TMPRSS15: variants seen among roughly 807,000 people sequenced by gnomAD.
TMPRSS15 encodes the protein enteropeptidase.
In TMPRSS15, 128 loss-of-function variants were observed where a neutral mutation model predicts 125.3. The observed-to-expected ratio is 1.02, with a 90% CI of 0.89 to 1.18. TMPRSS15 has a LOEUF of 1.18. Among genes scored for constraint, TMPRSS15 ranks in the 50% most tolerant of loss-of-function variants. TMPRSS15 has a pLI of 0.00. For synonymous variants in TMPRSS15, 446 were observed against 423.2 expected (o/e 1.05, Z -0.66); for missense variants, 1,283 against 1,212.7 (o/e 1.06, Z -0.86).
chr21:18,423,097 T>A (rs1276242943), intron 1 of TMPRSS15, among the ~76,000 whole-genome samples: 6 of 152,184 alleles, frequency 3.9e-5, no homozygotes, highest in African/African-American at 9.7e-5. Context: ...CAAGGCTAGA[T>A]GTGGATTTAC....
intron 18 of TMPRSS15, among the ~76,000 whole-genome samples, chr21:18,300,627 G>A (rs1380456314): frequency 6.6e-6 from 1 of 152,102 alleles, no homozygotes; most frequent in Non-Finnish European, 1.5e-5. Flanking sequence ...TTACAGGTGT[G>A]AGCCACCACA....
chr21:18,410,844 C>T (rs1020427737), intron 1 of TMPRSS15, among the ~76,000 whole-genome samples: 3 of 151,988 alleles, frequency 2.0e-5, no homozygotes, highest in Non-Finnish European at 4.4e-5. Context: ...AAAGACTATG[C>T]CAATTTTATT....
At chr21:18,361,577 A>T (rs2075680209) in intron 7 of TMPRSS15, among the ~76,000 whole-genome samples, 1 of 152,192 alleles carries the variant, frequency 6.6e-6, no homozygotes, top group Non-Finnish European at 1.5e-5. Context: ...CACCAGCAGT[A>T]ATGTGGCCAA....
At chr21:18,451,873 G>A (rs990673702) in intron 1 of TMPRSS15, among the ~76,000 whole-genome samples, 11 of 123,976 alleles carry the variant, frequency 8.9e-5, no homozygotes, top group African/African-American at 1.3e-4. Flanking sequence ...CACAGTCATG[G>A]CATGCATAAG....
In TMPRSS15 at chr21:18,403,782, T is replaced by C. The variant is rs879404378; in HGVS notation, c.-160A>G. 8.0e-5 allele frequency: 64 copies of C among 796,082 alleles called. No homozygotes were observed. The highest frequency in any genetic ancestry group is 4.3e-4 in the Admixed American group (19 of 43,702). The allele number at this position is 796,082 out of a possible 1,614,324, so 49.3% of individuals were successfully genotyped here. On this transcript the variant is annotated 5_prime_UTR_variant, in exon 1 of 25. Transcript: ENST00000284885. ...TGTAAGTGAGTTGTGTATGTCTCTT[T>C]GGCAAAATTATGTCTCTATACATTA...
chr21:18,284,149 G>A (rs996670305), intron 21 of TMPRSS15, among the ~76,000 whole-genome samples: 3 of 152,030 alleles, frequency 2.0e-5, no homozygotes, highest in Non-Finnish European at 2.9e-5. Context: ...AAATTCCGCC[G>A]CCATGTATCA....
At chr21:18,350,291 C>CTT (rs1341389887) in intron 10 of TMPRSS15, among the ~76,000 whole-genome samples, 2 of 152,064 alleles carry the variant, frequency 1.3e-5, no homozygotes, top group African/African-American at 2.4e-5. Context: ...CAACACTAAA[C>CTT]TTTTTTTGTC....
Position 18,294,515 on chromosome 21 carries a change from G to C in TMPRSS15, c.2312-71C>G, listed in dbSNP as rs1042865231. 8.1e-6 allele frequency: 13 copies of C among 1,602,788 alleles called. No individual in the cohort carries two copies. The African/African-American group carries it at 1.1e-4, about 13-fold the overall frequency. On this transcript the variant is annotated intron_variant, in intron 20 of 24. Transcript: ENST00000284885. ...TTCTTCTGATGGTGAAAATTGAGTG[G>C]TAACAAAATAACTTCAGGTGACATA...
Position 18,383,650 on chromosome 21 carries a change from T to A in TMPRSS15, c.473A>T (p.Asp158Val), listed in dbSNP as rs991929059. 1 of 1,613,926 alleles carries A rather than the reference T, an allele frequency of 6.2e-7. No homozygotes were observed. Among genetic ancestry groups the A allele is most frequent in the Non-Finnish European group, 8.5e-7 (1 of 1,179,924 alleles). ...KSSQLVTFHIDLNSVDILDKL... is the reference protein window; with the variant it reads ...KSSQLVTFHIVLNSVDILDKL... ...ACCTAGGATATCAACGCTGTTCAAA[T>A]CAATATGGAAAGTGACCAGTTGGCT... is the stretch of plus-strand genomic sequence containing the variant. The change falls in exon 4 of 25, where the codon GAT becomes GTT. Residue 158 changes from aspartate to valine, a missense_variant. Physicochemically the swap from Asp to Val is radical, Grantham distance 152. Coordinates refer to ENST00000284885, the MANE Select transcript of TMPRSS15 (RefSeq NM_002772.3).
chr21:18,416,596 G>A (rs2076180788), intron 1 of TMPRSS15, among the ~76,000 whole-genome samples: 1 of 151,956 alleles, frequency 6.6e-6, no homozygotes, highest in African/African-American at 2.4e-5. Flanking sequence ...ACAGAGTGGG[G>A]ATGATACTGG....
At chr21:18,288,809 T>C (rs1250765481) in intron 21 of TMPRSS15, among the ~76,000 whole-genome samples, 1 of 151,718 alleles carries the variant, frequency 6.6e-6, no homozygotes, top group Non-Finnish European at 1.5e-5. Context: ...GTGCTAGGAT[T>C]ACAGGCATGA....
intron 1 of TMPRSS15, among the ~76,000 whole-genome samples, chr21:18,419,018 A>T (rs1007245669): frequency 2.0e-5 from 3 of 152,190 alleles, no homozygotes; most frequent in Non-Finnish European, 4.4e-5. Flanking sequence ...GTGAATGTGC[A>T]ATTGTTCCAA....
rs773347807 is a variant in TMPRSS15 at position 18,352,955 on chromosome 21, G to C, written c.1119C>G (p.Thr373=). The change falls in exon 10 of 25, where the codon ACC becomes ACG. Residue 373 remains threonine (T), a synonymous_variant. Transcript: ENST00000284885. ...DNEWERIQGS[T]FSPFTGPNFD... ...AATTGGGTCCAGTAAAAGGAGAAAA[G>C]GTGCTTCCCTGAATCCTTTCCCATT... 1.2e-6 allele frequency: 2 copies of C among 1,612,310 alleles called. No individual in the cohort carries two copies. Among genetic ancestry groups the C allele is most frequent in the Non-Finnish European group, 1.7e-6 (2 of 1,178,912 alleles).
chr21:18,474,859 A>G (rs1433333365), intron 1 of TMPRSS15, among the ~76,000 whole-genome samples: 1 of 152,172 alleles, frequency 6.6e-6, no homozygotes, highest in African/African-American at 2.4e-5. Context: ...GTAGTGGGGC[A>G]ATGTTCATGG....
At chr21:18,481,594 G>GA in intron 1 of TMPRSS15, among the ~76,000 whole-genome samples, 1 of 151,764 alleles carries the variant, frequency 6.6e-6, no homozygotes, top group Admixed American at 6.6e-5. Flanking sequence ...AGACGGATTA[G>GA]AAAATAAATA....
intron 21 of TMPRSS15, among the ~76,000 whole-genome samples, chr21:18,293,993 G>T (rs986869591): frequency 1.3e-5 from 2 of 152,140 alleles, no homozygotes; most frequent in Admixed American, 1.3e-4. Context: ...ATTGGCAAAA[G>T]TTTCCATTTT....
chr21:18,443,323 G>C (rs1479063227), intron 1 of TMPRSS15, among the ~76,000 whole-genome samples: 2 of 152,178 alleles, frequency 1.3e-5, no homozygotes, highest in East Asian at 3.9e-4. Context: ...AGGGGACACA[G>C]AAAGCAGGGA....
At chr21:18,377,813 G>A (rs2075858359) in intron 5 of TMPRSS15, among the ~76,000 whole-genome samples, 1 of 152,110 alleles carries the variant, frequency 6.6e-6, no homozygotes, top group Admixed American at 6.6e-5. Context: ...AATATGGGTG[G>A]CATACTTTCC....
chr21:18,411,231 C>T lies in TMPRSS15; in HGVS notation c.11-12902G>A, dbSNP rs146805841. On this transcript the variant is annotated intron_variant, in intron 1 of 7. Coordinates refer to the TMPRSS15 transcript ENST00000422787. ...ATTACTAAAAAGTGTATTTGCCATT[C>T]AAAAGGATGGTGTGTTGTGAAAAAT... 7.5e-3 allele frequency among the ~76,000 whole-genome samples: 1,140 copies of T among 152,090 alleles called. 19 individuals carry two copies. Among genetic ancestry groups the T allele is most frequent in the African/African-American group, 0.026 (1,091 of 41,514 alleles).
Sources: allele counts gnomAD v4.1 joint callset (sites outside exome capture counted in the v4.1 genomes callset), GRCh38; gene constraint gnomAD v4.1.1; transcripts MANE v1.5; gene names NCBI Gene and HGNC (gene_info 2026-07-23, HGNC 2026-07-21).